The following CUBN variants were observed in gnomAD, a reference collection of about 807,000 sequenced individuals.
CUBN encodes the protein 460 kDa receptor.
In CUBN, 282 loss-of-function variants were observed where a neutral mutation model predicts 405.3. The observed-to-expected ratio is 0.70, with a 90% confidence interval of 0.63 to 0.77. CUBN has a LOEUF of 0.77. Among genes scored for constraint, CUBN ranks in the 30% least tolerant of loss-of-function variants. The pLI is 0.00. For synonymous variants in CUBN, 1,684 were observed against 1,617.0 expected (o/e 1.04, Z -0.99); for missense variants, 4,514 against 4,475.2 (o/e 1.01, Z -0.25).
rs573195234 is a variant in CUBN at position 16,839,450 on chromosome 10, A to AAG, written c.10032+878_10032+879dup. Among the ~76,000 whole-genome samples, 12 of 152,094 alleles carry AAG rather than the reference A, an allele frequency of 7.9e-5. No homozygotes were observed. In the South Asian group the frequency reaches 2.3e-3, roughly 29 times the overall value. Reference sequence around the variant, plus strand: ...CAAAAGAAGACATTTATGCAGCCAAAAGACACATGAAAAAATGCTCATCAT... The same window carrying AAG: ...CAAAAGAAGACATTTATGCAGCCAAAAGAGACACATGAAAAAATGCTCATCAT... On this transcript the variant is annotated intron_variant, in intron 62 of 66. Transcript: ENST00000377833.
At chr10:16,960,411 G>A (rs1259527663) in intron 31 of CUBN, among the ~76,000 whole-genome samples, 1 of 152,160 alleles carries the variant, frequency 6.6e-6, no homozygotes, top group Non-Finnish European at 1.5e-5. Context: ...AGAATTGCTT[G>A]AACCCAGGAG....
chr10:16,925,904 A>T (rs2131582937), intron 41 of CUBN, 130 bp from the exon 42 acceptor site: 1 of 782,746 alleles, frequency 1.3e-6, no homozygotes, highest in Non-Finnish European at 2.2e-6. Context: ...GCCAGAGTGC[A>T]GGAAATGATT....
intron 12 of CUBN, 61 bp downstream of exon 12, chr10:17,104,358 T>TCA: frequency 4.0e-6 from 6 of 1,487,928 alleles, no homozygotes; most frequent in Non-Finnish European, 5.6e-6. Flanking sequence ...GTTGAGGGAC[T>TCA]CACTAAAGGA....
intron 28 of CUBN, among the ~76,000 whole-genome samples, chr10:16,992,235 C>T (rs1833611495): frequency 6.6e-6 from 1 of 150,778 alleles, no homozygotes. Context: ...ACACCAAGGT[C>T]TGTCATGGGG....
intron 6 of CUBN, chr10:17,121,745 T>C (rs1837046474): frequency 1.3e-5 from 2 of 152,104 alleles, no homozygotes; most frequent in Non-Finnish European, 2.9e-5. Context: ...ACAAAATTAC[T>C]GCACTCATTT....
intron 17 of CUBN, among the ~76,000 whole-genome samples, chr10:17,075,316 T>A (rs1588626444): frequency 6.6e-6 from 1 of 152,084 alleles, no homozygotes; most frequent in African/African-American, 2.4e-5. Context: ...ACTCTTGACC[T>A]GAGGTGATCT....
intron 22 of CUBN, among the ~76,000 whole-genome samples, chr10:17,061,465 C>T (rs1334080812): frequency 6.6e-6 from 1 of 152,176 alleles, no homozygotes; most frequent in Non-Finnish European, 1.5e-5. Flanking sequence ...ACTACACTCC[C>T]AAACTGAAGT....
At chr10:17,112,424 C>T (rs1836792213) in intron 8 of CUBN, among the ~76,000 whole-genome samples, 1 of 151,328 alleles carries the variant, frequency 6.6e-6, no homozygotes, top group African/African-American at 2.4e-5. Flanking sequence ...ATATAACTAC[C>T]ATATATTTCA....
chr10:17,008,238 G>C (rs919762599), intron 28 of CUBN, among the ~76,000 whole-genome samples: 1 of 80,846 alleles, frequency 1.2e-5, no homozygotes, highest in East Asian at 7.2e-4. Context: ...GCCCGTGTGT[G>C]GTGTGTGTGT....
At chr10:16,908,205 G>C (rs1165661145) in intron 48 of CUBN, among the ~76,000 whole-genome samples, 1 of 152,136 alleles carries the variant, frequency 6.6e-6, no homozygotes, top group Non-Finnish European at 1.5e-5. Context: ...GAGTGCAGCG[G>C]TGTGATCTTG....
chr10:16,918,580 G>T, intron 45 of CUBN, 42 bp downstream of exon 45: 1 of 1,472,068 alleles, frequency 6.8e-7, no homozygotes, highest in Non-Finnish European at 9.4e-7. Context: ...ATCTGCACAT[G>T]TACCCCTGAA....
intron 22 of CUBN, among the ~76,000 whole-genome samples, chr10:17,049,350 G>C (rs1835210556): frequency 6.6e-6 from 1 of 152,192 alleles, no homozygotes; most frequent in African/African-American, 2.4e-5. Context: ...CAAATATTTA[G>C]AGGAAATTAT....
intron 26 of CUBN, 105 bp downstream of exon 26, chr10:17,043,722 A>G (rs1450808322): frequency 6.6e-7 from 1 of 1,508,078 alleles, no homozygotes; most frequent in African/African-American, 1.4e-5. Flanking sequence ...TAGGCACTGA[A>G]CAGCGAGTAT....
intron 15 of CUBN, among the ~76,000 whole-genome samples, chr10:17,087,460 A>ATTTTTTTTTTTTTTTT (rs1564510318): frequency 1.0e-5 from 1 of 99,128 alleles, no homozygotes; most frequent in Admixed American, 1.2e-4. Flanking sequence ...AATCACTATT[A>ATTTTTTTTTTTTTTTT]TTTTTCTTTT....
At chr10:17,065,990 TAG>T (rs1321833687) in intron 21 of CUBN, among the ~76,000 whole-genome samples, 1 of 152,222 alleles carries the variant, frequency 6.6e-6, no homozygotes, top group Non-Finnish European at 1.5e-5. Context: ...CATAAAATCA[TAG>T]AGTCATCTCT....
In CUBN at chr10:17,104,605, C is replaced by T. The variant is rs768194812; in HGVS notation, c.1231G>A (p.Asp411Asn). 17 of 1,611,314 alleles carry T rather than the reference C, an allele frequency of 1.1e-5. No homozygotes were observed. In the South Asian group the frequency reaches 1.4e-4, roughly 14 times the overall value. The change falls in exon 12 of 67, where the codon GAC (aspartate) becomes AAC (asparagine). Residue 411 changes from aspartate (D) to asparagine (N), a missense_variant and splice_region_variant. Asp to Asn is a conservative substitution (Grantham distance 23). Transcript: ENST00000377833. ...TTACAAAAATAACCAGAGACAGTGT[C>T]CTAAGGGGAAAAAAAACACATAATA... ...SHPCLNGQCIDTVSGYFCKCD... is the reference protein window; with the variant it reads ...SHPCLNGQCINTVSGYFCKCD...
chr10:16,855,404 G>C (rs976612312), intron 59 of CUBN, among the ~76,000 whole-genome samples: 2 of 152,064 alleles, frequency 1.3e-5, no homozygotes, highest in African/African-American at 4.8e-5. Context: ...ACGTGCTTAC[G>C]TTTTGTTCTT....
At chr10:17,103,389 T>C in intron 12 of CUBN, 152 bp from the exon 13 acceptor site, 1 of 663,338 alleles carries the variant, frequency 1.5e-6, no homozygotes, top group Non-Finnish European at 2.7e-6. Flanking sequence ...TGTGCCCTTT[T>C]TCTGTCAACT....
chr10:16,891,267 CAG>C (rs911426949), intron 54 of CUBN, among the ~76,000 whole-genome samples: 3 of 152,126 alleles, frequency 2.0e-5, no homozygotes, highest in Non-Finnish European at 4.4e-5. Flanking sequence ...CAGGGAAAAA[CAG>C]AGACATGAAT....
Sources: allele counts gnomAD v4.1 joint callset (sites outside exome capture counted in the v4.1 genomes callset), GRCh38; gene constraint gnomAD v4.1.1; transcripts MANE v1.5; gene names NCBI Gene and HGNC (gene_info 2026-07-23, HGNC 2026-07-21).